Variants in PRICKLE2 observed in about 807,000 individuals in gnomAD.
PRICKLE2 encodes prickle-like protein 2.
In PRICKLE2, 21 loss-of-function variants were observed where a neutral mutation model predicts 81.4. The ratio of observed to expected loss-of-function variants is 0.26; its 90% CI spans 0.18 to 0.37. The LOEUF (loss-of-function observed/expected upper bound fraction) is 0.37. Ranked by LOEUF, PRICKLE2 falls within the 10% of genes least tolerant of loss-of-function variation. PRICKLE2 has a pLI of 1.00. For missense variants in PRICKLE2, 940 were observed against 1,109.0 expected (o/e 0.85, Z 2.16); for synonymous variants, 456 against 421.5 (o/e 1.08, Z -1.00).
chr3:64,155,587 G>A (rs548504698), intron 5 of PRICKLE2, among the ~76,000 whole-genome samples: 1 of 152,310 alleles, frequency 6.6e-6, no homozygotes, highest in African/African-American at 2.4e-5. Context: ...AATGTTCATA[G>A]CAGCGTTGTT....
rs2076524502 is a variant in PRICKLE2, at chr3:64,092,793, T to A, written c.*6258A>T. On this transcript the variant is annotated 3_prime_UTR_variant, in exon 8 of 8. Coordinates refer to ENST00000638394, the MANE Select transcript of PRICKLE2 (RefSeq NM_198859.4). Reference sequence around the variant, plus strand: ...AAGAATTCTCAAGGAACAAAGACACTAAGAAGGCAATGCATTGAAACCAGT... The same window carrying A: ...AAGAATTCTCAAGGAACAAAGACACAAAGAAGGCAATGCATTGAAACCAGT... 1.3e-5 allele frequency: 2 copies of A among 152,328 alleles called. No homozygotes were observed. The allele number at this position is 152,328 out of a possible 1,614,324, so 9.4% of individuals were successfully genotyped here. A position where few individuals can be genotyped will look rare whatever the true frequency, so the allele number is the denominator to read the frequency against.
intron 7 of PRICKLE2, chr3:64,145,911 G>A (rs749494746): frequency 1.3e-5 from 2 of 152,054 alleles, no homozygotes; most frequent in South Asian, 2.1e-4. Context: ...CCACTCTCAT[G>A]ACTTAATCAC....
chr3:64,205,831 A>T (rs913209801), intron 1 of PRICKLE2, among the ~76,000 whole-genome samples: 2 of 152,256 alleles, frequency 1.3e-5, no homozygotes, highest in East Asian at 3.9e-4. Context: ...TGATGTGGAG[A>T]AGAAGACTAT....
At chr3:64,234,008 T>A (rs1267397972) in intron 2 of PRICKLE2, among the ~76,000 whole-genome samples, 1 of 152,248 alleles carries the variant, frequency 6.6e-6, no homozygotes, top group Non-Finnish European at 1.5e-5. Context: ...AATTTCATTC[T>A]TTTTATGACA....
intron 7 of PRICKLE2, among the ~76,000 whole-genome samples, chr3:64,124,531 C>T (rs1176955024): frequency 3.3e-5 from 5 of 152,148 alleles, no homozygotes; most frequent in Non-Finnish European, 7.3e-5. Context: ...CTTCAAAGGA[C>T]AGGCTGACTC....
chr3:64,171,279 T>A (rs1259877896), intron 2 of PRICKLE2, among the ~76,000 whole-genome samples: 1 of 152,202 alleles, frequency 6.6e-6, no homozygotes, highest in Non-Finnish European at 1.5e-5. Flanking sequence ...GGGGCAATAA[T>A]ACCCCCCAAG....
chr3:64,240,009 C>A (rs1221140300), intron 2 of PRICKLE2, among the ~76,000 whole-genome samples: 1 of 150,238 alleles, frequency 6.7e-6, no homozygotes, highest in Non-Finnish European at 1.5e-5. Context: ...TATAGTCTCA[C>A]CTACTTGGGA....
chr3:64,246,725 C>T (rs116271015), intron 2 of PRICKLE2, among the ~76,000 whole-genome samples: 1,726 of 152,264 alleles, frequency 0.011, 31 homozygotes, highest in African/African-American at 0.037. Context: ...TTGAGGAACA[C>T]TAAATTAGAT....
intron 4 of PRICKLE2, 109 bp downstream of exon 4, chr3:64,159,831 A>T: frequency 7.1e-7 from 1 of 1,401,240 alleles, no homozygotes; most frequent in Non-Finnish European, 1.0e-6. Context: ...TTTGTTCACT[A>T]CTGTATCTCA....
At chr3:64,223,038 GA>G (rs1165021703) in intron 1 of PRICKLE2, among the ~76,000 whole-genome samples, 6 of 152,308 alleles carry the variant, frequency 3.9e-5, no homozygotes, top group Non-Finnish European at 8.8e-5. Flanking sequence ...CAATAGGGTG[GA>G]AAGTTTCTTT....
intron 1 of PRICKLE2, among the ~76,000 whole-genome samples, chr3:64,223,475 T>G (rs1297907560): frequency 6.6e-6 from 1 of 152,200 alleles, no homozygotes; most frequent in Non-Finnish European, 1.5e-5. Context: ...AAATGCATCT[T>G]TCTTCCTCTA....
chr3:64,187,052 C>G (rs556317635), intron 2 of PRICKLE2, among the ~76,000 whole-genome samples: 3 of 152,304 alleles, frequency 2.0e-5, no homozygotes, highest in Non-Finnish European at 4.4e-5. Flanking sequence ...GTCTCTCATC[C>G]TGCATTTGCA....
intron 4 of PRICKLE2, among the ~76,000 whole-genome samples, chr3:64,158,888 G>C (rs956924426): frequency 4.6e-5 from 7 of 152,122 alleles, no homozygotes; most frequent in Non-Finnish European, 1.0e-4. Flanking sequence ...GCTTCCCTTG[G>C]GCAGCATCCC....
Position 64,245,446 on chromosome 3 carries a change from C to T in PRICKLE2, c.129-46479G>A, listed in dbSNP as rs989038810. On this transcript the variant is annotated intron_variant, in intron 2 of 8. Transcript: ENST00000295902. ...ACTTTTAGACAGAGCATTCAGAGTA[C>T]TCTGAAACACATATTCTACATGTAG... Among the ~76,000 whole-genome samples, 3 of 152,174 alleles carry T rather than the reference C, an allele frequency of 2.0e-5. No homozygotes were observed. The East Asian group carries it at 5.8e-4, about 29-fold the overall frequency.
At chr3:64,148,547 A>G (rs929512870) in intron 6 of PRICKLE2, among the ~76,000 whole-genome samples, 1 of 152,188 alleles carries the variant, frequency 6.6e-6, no homozygotes, top group African/African-American at 2.4e-5. Context: ...TCCAATGGGT[A>G]AGTCACAGCA....
rs139457599 is a variant in PRICKLE2 at position 64,148,655 on chromosome 3, G to A, written c.788-953C>T. ...GGCATTAGGAGATGGAGCTTTTTGG[G>A]AGGTGACTAGGTCATGAGAGTGGAT... On this transcript the variant is annotated intron_variant, in intron 6 of 7. Coordinates refer to ENST00000638394, the MANE Select transcript of PRICKLE2 (RefSeq NM_198859.4). Among the ~76,000 whole-genome samples, 1,122 of 152,290 alleles carry A rather than the reference G, an allele frequency of 7.4e-3. 6 individuals are homozygous for A. Among genetic ancestry groups the A allele is most frequent in the South Asian group, 0.012 (60 of 4,822 alleles).
chr3:64,225,152 A>G lies in PRICKLE2; in HGVS notation c.-283T>C. On this transcript the variant is annotated 5_prime_UTR_variant, in exon 1 of 8. Coordinates refer to ENST00000638394, the MANE Select transcript of PRICKLE2 (RefSeq NM_198859.4). ...GGGAAAACAGCACTGCTGGATCCAG[A>G]CTCTGCTGGGGAATTCACCAAGCAA... 1 of 985,048 alleles carries G rather than the reference A, an allele frequency of 1.0e-6. No homozygotes were observed. Among genetic ancestry groups the G allele is most frequent in the East Asian group, 1.1e-4 (1 of 8,782 alleles). The allele number at this position is 985,048 out of a possible 1,614,324, so 61.0% of individuals were successfully genotyped here. A position where few individuals can be genotyped will look rare whatever the true frequency, so the allele number is the denominator to read the frequency against.
intron 2 of PRICKLE2, among the ~76,000 whole-genome samples, chr3:64,235,983 G>A (rs574249147): frequency 6.6e-6 from 1 of 152,196 alleles, no homozygotes; most frequent in Non-Finnish European, 1.5e-5. Flanking sequence ...GAGAAGAGAG[G>A]ATCATGGTTA....
intron 2 of PRICKLE2, among the ~76,000 whole-genome samples, chr3:64,187,773 G>A (rs1388260833): frequency 6.6e-6 from 1 of 152,120 alleles, no homozygotes; most frequent in African/African-American, 2.4e-5. Flanking sequence ...GGTATAAATA[G>A]CTTCTCACAT....
Sources: allele counts gnomAD v4.1 joint callset (sites outside exome capture counted in the v4.1 genomes callset), GRCh38; gene constraint gnomAD v4.1.1; transcripts MANE v1.5; gene names NCBI Gene and HGNC (gene_info 2026-07-23, HGNC 2026-07-21).